Variants in PTPRR observed in about 807,000 individuals in gnomAD.
The protein encoded by PTPRR is protein tyrosine phosphatase receptor type R.
Under a neutral mutation model 77.2 loss-of-function variants are expected in PTPRR, and 38 were observed. The ratio of observed to expected loss-of-function variants is 0.49; its 90% CI spans 0.38 to 0.65. The LOEUF (loss-of-function observed/expected upper bound fraction) is 0.65, where lower values mean the gene tolerates loss of function less well. PTPRR is among the 30% of genes least tolerant of loss of function. The pLI, the probability that PTPRR is intolerant of heterozygous loss-of-function variation, is 0.00. For synonymous variants in PTPRR, 299 were observed against 283.1 expected, an observed-to-expected ratio of 1.06 and a Z score of -0.57; for missense variants, 744 against 799.2, an observed-to-expected ratio of 0.93 and a Z score of 0.83.
Position 70,654,327 on chromosome 12 carries a change from C to T in PTPRR, c.1880+2377G>A, listed in dbSNP as rs115986251. On this transcript the variant is annotated intron_variant, in intron 13 of 13. Transcript: ENST00000283228. ...GCACGGTGGCTCACACCTACAATCC[C>T]GGCACTTTGGGAGGCCAAGATGTGA... 5.6e-3 allele frequency among the ~76,000 whole-genome samples: 847 copies of T among 152,220 alleles called. 7 individuals are homozygous for T. The highest frequency in any genetic ancestry group is 0.019 in the African/African-American group (804 of 41,520).
chr12:70,645,480 G>A (rs1025274039), intron 13 of PTPRR, among the ~76,000 whole-genome samples: 1 of 152,114 alleles, frequency 6.6e-6, no homozygotes, highest in Non-Finnish European at 1.5e-5. Flanking sequence ...GTGTTGTCCT[G>A]GTGTCATTAT....
chr12:70,763,580 T>A (rs986644083), intron 3 of PTPRR, among the ~76,000 whole-genome samples: 12 of 151,934 alleles, frequency 7.9e-5, no homozygotes, highest in African/African-American at 1.2e-4. Flanking sequence ...ACAGAAAAAA[T>A]AAAAAGAAAC....
intron 6 of PTPRR, among the ~76,000 whole-genome samples, chr12:70,712,711 T>C (rs983751557): frequency 6.6e-6 from 1 of 151,976 alleles, no homozygotes; most frequent in Non-Finnish European, 1.5e-5. Flanking sequence ...CTATAAGAAA[T>C]ATATCCCTTT....
At chr12:70,917,073 G>A (rs1457406684) in intron 1 of PTPRR, among the ~76,000 whole-genome samples, 3 of 152,116 alleles carry the variant, frequency 2.0e-5, no homozygotes, top group Non-Finnish European at 4.4e-5. Context: ...TCCTCAAATG[G>A]AATATGCTTC....
In PTPRR at chr12:70,738,413, A is replaced by G. The variant is rs560833286; in HGVS notation, c.1007+7405T>C. Among the ~76,000 whole-genome samples the G allele has an allele frequency of 2.3e-3, 350 of 152,342 alleles. 1 individual carries two copies. The highest frequency in any genetic ancestry group is 8.1e-3 in the African/African-American group (337 of 41,574). ...CAACTGATTACTGAGAAATGAAGTC[A>G]GGATGGAGAGTGCTATATTACAGTG... On this transcript the variant is annotated intron_variant, in intron 6 of 13. Coordinates refer to ENST00000283228, the MANE Select transcript of PTPRR (RefSeq NM_002849.4).
rs867192993 is a variant in PTPRR at position 70,813,941 on chromosome 12, C to G, written c.358-49163G>C. 8.5e-5 allele frequency among the ~76,000 whole-genome samples: 13 copies of G among 152,182 alleles called. No individual in the cohort carries two copies. The South Asian group carries it at 2.7e-3, about 32-fold the overall frequency. On this transcript the variant is annotated intron_variant, in intron 2 of 13. Transcript: ENST00000283228. ...GAATAAAACCAACCAGAAAAGAACACGGGGAATAGTCCTCAGAGTTCACAC... is the reference window on the plus strand; with the variant it reads ...GAATAAAACCAACCAGAAAAGAACAGGGGGAATAGTCCTCAGAGTTCACAC...
chr12:70,874,157 T>G (rs892740814), intron 2 of PTPRR, among the ~76,000 whole-genome samples: 1 of 152,176 alleles, frequency 6.6e-6, no homozygotes, highest in Non-Finnish European at 1.5e-5. Context: ...CAAGCTAAAA[T>G]CATAAACAGT....
intron 10 of PTPRR, among the ~76,000 whole-genome samples, chr12:70,682,571 GCA>G (rs1466154994): frequency 1.3e-5 from 2 of 151,144 alleles, no homozygotes; most frequent in Non-Finnish European, 2.9e-5. Flanking sequence ...TTCATATTCT[GCA>G]CAGTGTAACT....
chr12:70,791,202 T>C (rs892926943), intron 2 of PTPRR, among the ~76,000 whole-genome samples: 2 of 152,188 alleles, frequency 1.3e-5, no homozygotes, highest in South Asian at 2.1e-4. Context: ...ATGGTCCTAT[T>C]TGATCTCTCT....
intron 8 of PTPRR, among the ~76,000 whole-genome samples, chr12:70,688,610 C>T (rs1026314393): frequency 6.6e-6 from 1 of 152,086 alleles, no homozygotes; most frequent in Non-Finnish European, 1.5e-5. Context: ...ATTAGCATAG[C>T]CATTTTGGAA....
At chr12:70,710,759 A>C (rs1888797417) in intron 6 of PTPRR, among the ~76,000 whole-genome samples, 2 of 152,166 alleles carry the variant, frequency 1.3e-5, no homozygotes, top group African/African-American at 4.8e-5. Flanking sequence ...GACACTTCCC[A>C]AAAGAAGATA....
chr12:70,913,861 T>C (rs923676370), intron 1 of PTPRR, among the ~76,000 whole-genome samples: 4 of 152,242 alleles, frequency 2.6e-5, no homozygotes, highest in African/African-American at 9.6e-5. Context: ...ATTTAATATA[T>C]GTATTCATTC....
At chr12:70,736,691 T>C (rs946573450) in intron 6 of PTPRR, among the ~76,000 whole-genome samples, 4 of 152,220 alleles carry the variant, frequency 2.6e-5, no homozygotes, top group African/African-American at 9.6e-5. Context: ...TTGATGTTAT[T>C]TGGAGTTAAA....
At chr12:70,793,331 A>T (rs1006084333) in intron 2 of PTPRR, among the ~76,000 whole-genome samples, 6 of 152,200 alleles carry the variant, frequency 3.9e-5, no homozygotes, top group Non-Finnish European at 8.8e-5. Flanking sequence ...CAGAATCCTG[A>T]AGCATTTATA....
At chr12:70,904,306 A>G (rs1236345637) in intron 1 of PTPRR, among the ~76,000 whole-genome samples, 1 of 151,864 alleles carries the variant, frequency 6.6e-6, no homozygotes, top group African/African-American at 2.4e-5. Flanking sequence ...AATGGAAACA[A>G]CTCAAATGTC....
In PTPRR at chr12:70,808,942, A is replaced by G. The variant is rs537043820; in HGVS notation, c.358-44164T>C. On this transcript the variant is annotated intron_variant, in intron 2 of 13. Coordinates refer to ENST00000283228, the MANE Select transcript of PTPRR (RefSeq NM_002849.4). ...TCAGAAATTGCTCTTTTCCTGTCCT[A>G]CAACTGATTTCTTTCTGTTTGATTT... Among the ~76,000 whole-genome samples, 3 of 152,208 alleles carry G rather than the reference A, an allele frequency of 2.0e-5. No homozygotes were observed. The East Asian group carries it at 5.8e-4, about 29-fold the overall frequency.
At chr12:70,783,713 C>A (rs577219450) in intron 2 of PTPRR, among the ~76,000 whole-genome samples, 1 of 152,200 alleles carries the variant, frequency 6.6e-6, no homozygotes, top group Middle Eastern at 3.4e-3. Flanking sequence ...TGCCCAGGAG[C>A]CTGTCTGCCT....
intron 1 of PTPRR, among the ~76,000 whole-genome samples, chr12:70,906,568 C>G (rs183829875): frequency 3.3e-5 from 5 of 152,124 alleles, no homozygotes; most frequent in Admixed American, 1.3e-4. Context: ...AACATTACAG[C>G]CTTCCCAAAA....
At chr12:70,775,593 TCAGGACCACACC>T (rs1327361952) in intron 2 of PTPRR, among the ~76,000 whole-genome samples, 1 of 152,158 alleles carries the variant, frequency 6.6e-6, no homozygotes, top group East Asian at 1.9e-4. Context: ...CCAGTAAGAG[TCAGGACCACACC>T]CAGTGGTCCA....
Sources: allele counts gnomAD v4.1 joint callset (sites outside exome capture counted in the v4.1 genomes callset), GRCh38; gene constraint gnomAD v4.1.1; transcripts MANE v1.5; gene names NCBI Gene and HGNC (gene_info 2026-07-23, HGNC 2026-07-21).